The following LY75 variants were observed in gnomAD, a reference collection of about 807,000 sequenced individuals.
LY75 encodes C-type lectin domain family 13 member B.
In LY75, 185 loss-of-function variants were observed where a neutral mutation model predicts 231.7. That is an observed-to-expected ratio of 0.80 (90% confidence interval 0.71 to 0.90). LY75 has a LOEUF of 0.90. LY75 is among the 40% of genes least tolerant of loss of function. The pLI is 0.00. For missense variants in LY75, 1,947 were observed against 2,050.2 expected (o/e 0.95, Z 0.97); for synonymous variants, 668 against 689.0 (o/e 0.97, Z 0.48).
At chr2:159,899,142 C>G in intron 1 of LY75, 83 bp from the exon 2 acceptor site, 1 of 1,532,584 alleles carries the variant, frequency 6.5e-7, no homozygotes, top group Non-Finnish European at 8.7e-7. Flanking sequence ...CTGAGCACTA[C>G]TGGACTGTTC....
At chr2:159,864,724 G>T in intron 14 of LY75, 115 bp downstream of exon 14, 1 of 1,012,710 alleles carries the variant, frequency 9.9e-7, no homozygotes, top group South Asian at 2.3e-5. Flanking sequence ...TGGCTATTCA[G>T]GGTCTTTTGT....
At chr2:159,866,889 T>C (rs1684872084) in intron 13 of LY75, among the ~76,000 whole-genome samples, 1 of 152,132 alleles carries the variant, frequency 6.6e-6, no homozygotes, top group Non-Finnish European at 1.5e-5. Context: ...ATTTGTCACC[T>C]GCATTGTAGA....
chr2:159,804,952 C>G lies in LY75; in HGVS notation c.*92G>C. ...ACTGAAAAAGTATTTAAGAGTTCTA[C>G]TTTGGAGCAGAGTAAATACTGACAC... On this transcript the variant is annotated 3_prime_UTR_variant, in exon 35 of 35. Coordinates refer to ENST00000263636, the MANE Select transcript of LY75 (RefSeq NM_002349.4). The G allele has an allele frequency of 1.0e-6, 1 of 977,866 alleles. No individual in the cohort carries two copies. Among genetic ancestry groups the G allele is most frequent in the Non-Finnish European group, 1.5e-6 (1 of 653,600 alleles). The allele number at this position is 977,866 out of a possible 1,614,324, so 60.6% of individuals were successfully genotyped here.
At position 159,904,695 on chromosome 2, in the gene LY75, CA is replaced by C; in HGVS notation, c.-14del. ...AGCCTGTCCTCATCCTGAGCTGGCGCAAGCCTTCCGGCCGGGTCCTCGGGCG... is the reference window on the plus strand; with the variant it reads ...AGCCTGTCCTCATCCTGAGCTGGCGCAGCCTTCCGGCCGGGTCCTCGGGCG... On this transcript the variant is annotated 5_prime_UTR_variant, in exon 1 of 35. Coordinates refer to ENST00000263636, the MANE Select transcript of LY75 (RefSeq NM_002349.4). 1 of 1,420,802 alleles carries C rather than the reference CA, an allele frequency of 7.0e-7. No individual in the cohort carries two copies. 88.0% of individuals were successfully genotyped at this position (1,420,802 alleles called of 1,614,324 possible). A position where few individuals can be genotyped will look rare whatever the true frequency, so the allele number is the denominator to read the frequency against.
At chr2:159,850,529 T>C (rs1684354940) in intron 21 of LY75, 62 bp from the exon 22 acceptor site, 1 of 1,598,456 alleles carries the variant, frequency 6.3e-7, no homozygotes, top group Non-Finnish European at 8.5e-7. Flanking sequence ...ACATAGGAAG[T>C]AAAATGCTTC....
Position 159,875,508 on chromosome 2 carries a change from G to C in LY75, c.1910C>G (p.Pro637Arg), listed in dbSNP as rs1685239889. ...TTCAGGACAGGGGTCATCAGGCTTA[G>C]GGGATGCTTCTTCAGGCCCAAGGGG... ...SGPLGPEEASPKPDDPCPEGW... is the reference protein window; with the variant it reads ...SGPLGPEEASRKPDDPCPEGW... Residue 637 changes from proline (P) to arginine (R), a missense_variant, in exon 12 of 35, where the codon CCT becomes CGT. Physicochemically the swap from Pro to Arg is moderately radical, Grantham distance 103. Coordinates refer to ENST00000263636, the MANE Select transcript of LY75 (RefSeq NM_002349.4). 1 of 1,613,958 alleles carries C rather than the reference G, an allele frequency of 6.2e-7. No homozygotes were observed. The highest frequency in any genetic ancestry group is 8.5e-7 in the Non-Finnish European group (1 of 1,179,994).
intron 12 of LY75, among the ~76,000 whole-genome samples, chr2:159,874,161 A>AAAGTATATATATTTTGTAAATATATAT (rs1560093141): frequency 3.7e-5 from 4 of 107,306 alleles, no homozygotes; most frequent in South Asian, 2.9e-4. Flanking sequence ...AAATATATAT[A>AAAGTATATATATTTTGTAAATATATAT]AACGTATATA....
chr2:159,878,248 T>C, intron 11 of LY75, 76 bp downstream of exon 11: 2 of 1,533,938 alleles, frequency 1.3e-6, no homozygotes, highest in Non-Finnish European at 1.8e-6. Context: ...CAAAAGTAAG[T>C]GAGGAACATC....
chr2:159,858,459 C>T lies in LY75; in HGVS notation c.2286G>A (p.Trp762Ter), dbSNP rs1684607523. ...CATCATAGAAATGCCAGCCTCTTCG[C>T]CATGGCCTATGAAATACCTATAAGA... Reference protein sequence around the residue: ...CAAVKVFHRPWRRGWHFYDDR... With the variant: ...CAAVKVFHRP The change falls in exon 16 of 35, where the codon TGG becomes TGA. Residue 762 changes from tryptophan to a stop codon, truncating the protein, a stop_gained. Coordinates refer to ENST00000263636, the MANE Select transcript of LY75 (RefSeq NM_002349.4). LOFTEE classifies it high-confidence loss of function. The T allele has an allele frequency of 1.2e-6, 2 of 1,612,364 alleles. No individual in the cohort carries two copies. Among genetic ancestry groups the T allele is most frequent in the Non-Finnish European group, 1.7e-6 (2 of 1,179,400 alleles).
chr2:159,809,898 T>C (rs2556090), intron 32 of LY75, among the ~76,000 whole-genome samples: 1 of 152,104 alleles, frequency 6.6e-6, no homozygotes, highest in African/African-American at 2.4e-5. Flanking sequence ...CGCTAGTCTT[T>C]AATGGCTAAC....
chr2:159,885,044 T>C lies in LY75; in HGVS notation c.1054+109A>G, dbSNP rs1685542354. ...CAAGTACTTTTCTGTACTGTCAGTA[T>C]CAGGAGAAGGAAAGGTGGAAACGGA... On this transcript the variant is annotated intron_variant, in intron 6 of 34. Transcript: ENST00000263636. 7 of 1,447,132 alleles carry C rather than the reference T, an allele frequency of 4.8e-6. No homozygotes were observed. The Admixed American group carries it at 1.4e-4, about 30-fold the overall frequency. 89.6% of individuals were successfully genotyped at this position (1,447,132 alleles called of 1,614,324 possible). A position where few individuals can be genotyped will look rare whatever the true frequency, so the allele number is the denominator to read the frequency against.
chr2:159,904,622 A>C lies in LY75; in HGVS notation c.61T>G (p.Phe21Val), dbSNP rs1313536824. Residue 21 changes from phenylalanine (F) to valine (V), a missense_variant, in exon 1 of 35, where the codon TTC becomes GTC. By Grantham distance (50) the Phe-to-Val change is conservative. Coordinates refer to ENST00000263636, the MANE Select transcript of LY75 (RefSeq NM_002349.4). ...PAGLLMLLFW[F>V]FDLAEPSGRA... The stretch of plus-strand genomic sequence containing the variant: ...CCAGAGGGCTCCGCGAGATCGAAGA[A>C]CCAGAAGAGCAGCATGAGGAGCCCC... 3 of 1,509,024 alleles carry C rather than the reference A, an allele frequency of 2.0e-6. No individual in the cohort carries two copies. Among genetic ancestry groups the C allele is most frequent in the East Asian group, 2.8e-5 (1 of 35,244 alleles). The allele number at this position is 1,509,024 out of a possible 1,614,324, so 93.5% of individuals were successfully genotyped here.
chr2:159,892,070 C>T (rs1685775660), intron 3 of LY75, among the ~76,000 whole-genome samples: 1 of 152,186 alleles, frequency 6.6e-6, no homozygotes, highest in South Asian at 2.1e-4. Context: ...CCCAGACCAG[C>T]ATTATCAGCA....
chr2:159,893,355 T>C (rs1685816152), intron 3 of LY75, among the ~76,000 whole-genome samples: 1 of 152,224 alleles, frequency 6.6e-6, no homozygotes, highest in African/African-American at 2.4e-5. Flanking sequence ...TCAGCCCTTT[T>C]TCTGTCTACA....
At chr2:159,883,529 A>G (rs1357824288) in intron 6 of LY75, among the ~76,000 whole-genome samples, 2 of 152,198 alleles carry the variant, frequency 1.3e-5, no homozygotes, top group South Asian at 2.1e-4. Flanking sequence ...ATATTTTTAC[A>G]AGATTAAAAT....
intron 34 of LY75, 113 bp downstream of exon 34, chr2:159,806,859 CT>C: frequency 7.7e-7 from 1 of 1,298,972 alleles, no homozygotes; most frequent in Non-Finnish European, 1.0e-6. Flanking sequence ...GTTGGATATA[CT>C]TTAAGGACTA....
intron 3 of LY75, among the ~76,000 whole-genome samples, chr2:159,892,028 C>T (rs1685773645): frequency 6.6e-6 from 1 of 152,198 alleles, no homozygotes; most frequent in Admixed American, 6.5e-5. Flanking sequence ...GCCTGGGCCT[C>T]TAATTAGATA....
chr2:159,834,216 A>G lies in LY75; in HGVS notation c.3674-5T>C, dbSNP rs144624338. The G allele has an allele frequency of 2.1e-4, 334 of 1,613,218 alleles. 1 individual carries two copies. In the African/African-American group the frequency reaches 3.9e-3, roughly 19 times the overall value. Reference sequence around the variant, plus strand: ...TGACCTCTTTTTCAGTCTCATCTAGAAAAAGAGTTAATGGTAAGAATTCTA... The same window carrying G: ...TGACCTCTTTTTCAGTCTCATCTAGGAAAAGAGTTAATGGTAAGAATTCTA... On this transcript the variant is annotated splice_polypyrimidine_tract_variant and splice_region_variant and intron_variant, in intron 26 of 34. Coordinates refer to ENST00000263636, the MANE Select transcript of LY75 (RefSeq NM_002349.4).
intron 14 of LY75, among the ~76,000 whole-genome samples, chr2:159,863,812 A>T (rs1456756039): frequency 1.3e-5 from 2 of 152,144 alleles, no homozygotes; most frequent in South Asian, 4.1e-4. Flanking sequence ...CAGTGTGAAT[A>T]CTGGCATTCA....
Sources: gnomAD v4.1 joint callset for allele counts (sites outside exome capture counted in the v4.1 genomes callset) on GRCh38, gnomAD v4.1.1 for gene constraint, MANE v1.5 for transcripts, NCBI Gene and HGNC (gene_info 2026-07-23, HGNC 2026-07-21) for gene names.